The following KHDRBS3 variants were observed in gnomAD, a reference collection of about 807,000 sequenced individuals.
The protein encoded by KHDRBS3 is KH domain-containing, RNA-binding, signal transduction-associated protein 3.
In KHDRBS3, 23 loss-of-function variants were observed where a neutral mutation model predicts 45.6. The observed-to-expected ratio is 0.50, with a 90% CI of 0.36 to 0.72. KHDRBS3 has a LOEUF of 0.72. KHDRBS3 is among the 30% of genes least tolerant of loss of function. The pLI, the probability that KHDRBS3 is intolerant of heterozygous loss-of-function variation, is 0.00. For synonymous variants in KHDRBS3, 162 were observed against 156.5 expected (o/e 1.04, Z -0.26); for missense variants, 352 against 424.8 (o/e 0.83, Z 1.51).
At chr8:135,466,686 A>G (rs1586553011) in intron 1 of KHDRBS3, among the ~76,000 whole-genome samples, 1 of 152,192 alleles carries the variant, frequency 6.6e-6, no homozygotes, top group South Asian at 2.1e-4. Context: ...TACTGACTTG[A>G]GTGGGCTGAG....
rs1285436029 is a variant in KHDRBS3, at chr8:135,481,250, A to ATATATATATATT, written c.88+23297_88+23298insATATATATATTT. ...TATATATATATATATATATATATATATTTAATGTAAGCCTTCTGTGTACTT... is the reference window on the plus strand; with the variant it reads ...TATATATATATATATATATATATATATATATATATATTTTTAATGTAAGCCTTCTGTGTACTT... On this transcript the variant is annotated intron_variant, in intron 1 of 8. Coordinates refer to ENST00000355849, the MANE Select transcript of KHDRBS3 (RefSeq NM_006558.3). 7.2e-5 allele frequency among the ~76,000 whole-genome samples: 9 copies of ATATATATATATT among 125,552 alleles called. No individual in the cohort carries two copies. The South Asian group carries it at 7.2e-4, about 10-fold the overall frequency. 82.4% of individuals were successfully genotyped at this position (125,552 alleles called of 152,430 possible). A position where few individuals can be genotyped will look rare whatever the true frequency, so the allele number is the denominator to read the frequency against.
chr8:135,631,881 G>A (rs757380864), intron 7 of KHDRBS3, among the ~76,000 whole-genome samples: 11 of 151,990 alleles, frequency 7.2e-5, no homozygotes, highest in African/African-American at 1.9e-4. Flanking sequence ...TTATATGACC[G>A]GCAGCACAAT....
intron 2 of KHDRBS3, among the ~76,000 whole-genome samples, chr8:135,525,155 G>A (rs1009263207): frequency 3.3e-5 from 5 of 152,126 alleles, no homozygotes; most frequent in Admixed American, 2.6e-4. Flanking sequence ...TACTTTCGCG[G>A]AAGAATTTTG....
intron 1 of KHDRBS3, among the ~76,000 whole-genome samples, chr8:135,477,457 A>G (rs933960882): frequency 1.2e-4 from 18 of 152,250 alleles, no homozygotes; most frequent in Non-Finnish European, 2.1e-4. Context: ...CATAATAAGT[A>G]AACAGTTGTA....
At chr8:135,463,143 G>A (rs1181591035) in intron 1 of KHDRBS3, among the ~76,000 whole-genome samples, 1 of 152,038 alleles carries the variant, frequency 6.6e-6, no homozygotes, top group South Asian at 2.1e-4. Flanking sequence ...TGTCTTTCTT[G>A]GTAAAGAGTG....
At chr8:135,494,298 A>G (rs1398511205) in intron 1 of KHDRBS3, among the ~76,000 whole-genome samples, 1 of 41,474 alleles carries the variant, frequency 2.4e-5, no homozygotes, top group Non-Finnish European at 3.9e-5. Flanking sequence ...TTTTTTTTTG[A>G]GACAGAGTCT....
At chr8:135,587,845 C>T (rs1206307097) in intron 6 of KHDRBS3, among the ~76,000 whole-genome samples, 1 of 152,188 alleles carries the variant, frequency 6.6e-6, no homozygotes, top group East Asian at 1.9e-4. Flanking sequence ...TCAGCATCCC[C>T]CCTAACACTC....
At chr8:135,645,157 G>T in intron 8 of KHDRBS3, 40 bp downstream of exon 8, 1 of 1,599,628 alleles carries the variant, frequency 6.3e-7, no homozygotes, top group Non-Finnish European at 8.6e-7. Flanking sequence ...AGGGAGGAGA[G>T]ATGGCCGTAG....
At chr8:135,607,575 G>A (rs1420631787) in intron 7 of KHDRBS3, among the ~76,000 whole-genome samples, 10 of 152,196 alleles carry the variant, frequency 6.6e-5, no homozygotes, top group Non-Finnish European at 5.9e-5. Flanking sequence ...GCAAAACAGA[G>A]CTTCATACTT....
At chr8:135,533,626 C>A (rs76225148) in intron 2 of KHDRBS3, among the ~76,000 whole-genome samples, 2,529 of 152,180 alleles carry the variant, frequency 0.017, 26 homozygotes, top group Non-Finnish European at 0.028. Context: ...TTGCTGTCAC[C>A]ATGGAATGTA....
chr8:135,559,202 G>A (rs1433745626), intron 5 of KHDRBS3, among the ~76,000 whole-genome samples: 3 of 152,006 alleles, frequency 2.0e-5, no homozygotes, highest in African/African-American at 7.2e-5. Flanking sequence ...AGGTAACCTT[G>A]TCTAGAAATT....
At chr8:135,512,622 T>C (rs1824360611) in intron 1 of KHDRBS3, among the ~76,000 whole-genome samples, 1 of 152,346 alleles carries the variant, frequency 6.6e-6, no homozygotes, top group South Asian at 2.1e-4. Context: ...ACAAACTCAC[T>C]ATACTCCTTT....
intron 6 of KHDRBS3, among the ~76,000 whole-genome samples, chr8:135,594,672 A>G (rs887822308): frequency 1.3e-5 from 2 of 152,238 alleles, no homozygotes; most frequent in African/African-American, 2.4e-5. Flanking sequence ...GGACATTAAT[A>G]TATAAAAATT....
At chr8:135,458,256 T>C (rs1486573053) in intron 1 of KHDRBS3, 9 of 1,064,024 alleles carry the variant, frequency 8.5e-6, no homozygotes, top group Middle Eastern at 4.7e-4. Flanking sequence ...ACAGCGACCA[T>C]CTGGGGGCTT....
intron 5 of KHDRBS3, among the ~76,000 whole-genome samples, chr8:135,566,464 A>C (rs1433065630): frequency 6.6e-6 from 1 of 152,218 alleles, no homozygotes; most frequent in East Asian, 1.9e-4. Context: ...CAAGCCTCCC[A>C]AGAATGTAAA....
At chr8:135,482,367 CTGGGAAA>C (rs1822623789) in intron 1 of KHDRBS3, among the ~76,000 whole-genome samples, 1 of 56,914 alleles carries the variant, frequency 1.8e-5, no homozygotes, top group Non-Finnish European at 3.1e-5. Flanking sequence ...CAGTGTTGCC[CTGGGAAA>C]TGGTAAATGG....
At chr8:135,651,683 T>G (rs1427319703), downstream of KHDRBS3, among the ~76,000 whole-genome samples, 1 of 152,234 alleles carries the variant, frequency 6.6e-6, no homozygotes, top group Non-Finnish European at 1.5e-5. Context: ...AAGCTTCTGT[T>G]TCCACTGGTT....
intron 6 of KHDRBS3, among the ~76,000 whole-genome samples, chr8:135,599,496 T>A (rs1829110060): frequency 6.6e-6 from 1 of 152,194 alleles, no homozygotes; most frequent in Admixed American, 6.5e-5. Context: ...CAGACTGCAT[T>A]TTATTATACA....
At chr8:135,505,311 C>T (rs1357104889) in intron 1 of KHDRBS3, among the ~76,000 whole-genome samples, 1 of 152,138 alleles carries the variant, frequency 6.6e-6, no homozygotes, top group Non-Finnish European at 1.5e-5. Flanking sequence ...GCCAGAGGTT[C>T]TCTAGTGCTG....
Sources: gnomAD v4.1 joint callset for allele counts (sites outside exome capture counted in the v4.1 genomes callset) on GRCh38, gnomAD v4.1.1 for gene constraint, MANE v1.5 for transcripts, NCBI Gene and HGNC (gene_info 2026-07-23, HGNC 2026-07-21) for gene names.